The following CHSY3 variants were observed in gnomAD, a reference collection of about 807,000 sequenced individuals.
CHSY3 encodes the protein chondroitin sulfate synthase 3, also known as N-acetylgalactosaminyl-proteoglycan 3-beta-glucuronosyltransferase 3.
In CHSY3, 35 loss-of-function variants were observed where a neutral mutation model predicts 67.2. That is an observed-to-expected ratio of 0.52 (90% confidence interval 0.40 to 0.69). The LOEUF (loss-of-function observed/expected upper bound fraction) is 0.69, where lower values mean the gene tolerates loss of function less well. CHSY3 is among the 30% of genes least tolerant of loss of function. CHSY3 has a pLI of 0.00. For synonymous variants in CHSY3, 474 were observed against 434.7 expected, an observed-to-expected ratio of 1.09 and a Z score of -1.12; for missense variants, 1,069 against 1,138.5, an observed-to-expected ratio of 0.94 and a Z score of 0.88.
At chr5:129,948,107 T>C (rs1035947931) in intron 2 of CHSY3, among the ~76,000 whole-genome samples, 3 of 152,262 alleles carry the variant, frequency 2.0e-5, no homozygotes, top group South Asian at 2.1e-4. Flanking sequence ...CTAAACAAAA[T>C]TGACAAAACT....
chr5:130,138,816 A>T (rs753454671), intron 2 of CHSY3, among the ~76,000 whole-genome samples: 2 of 152,176 alleles, frequency 1.3e-5, no homozygotes, highest in Non-Finnish European at 2.9e-5. Flanking sequence ...TTGGACCCAA[A>T]TCCCTTTTGT....
intron 2 of CHSY3, among the ~76,000 whole-genome samples, chr5:130,036,607 C>T (rs115954760): frequency 2.8e-4 from 43 of 152,252 alleles, no homozygotes; most frequent in African/African-American, 1.0e-3. Context: ...GACCTTGGAG[C>T]CCTACAGATC....
Position 130,095,525 on chromosome 5 carries a change from T to C in CHSY3, c.1087-88704T>C, listed in dbSNP as rs183425691. Among the ~76,000 whole-genome samples, 176 of 152,308 alleles carry C rather than the reference T, an allele frequency of 1.2e-3. 1 individual carries two copies. Among genetic ancestry groups the C allele is most frequent in the Middle Eastern group, 6.8e-3 (2 of 294 alleles). On this transcript the variant is annotated intron_variant, in intron 2 of 2. Transcript: ENST00000305031. ...AATGGAATAAATATCCATGGCCCCA[T>C]GCCAATATAAAAAATTGAATCAATG...
chr5:129,940,134 T>C, intron 2 of CHSY3, among the ~76,000 whole-genome samples: 1 of 152,160 alleles, frequency 6.6e-6, no homozygotes. Context: ...AGGACACATA[T>C]TCTCATTGCC....
chr5:130,072,222 G>A (rs1359190563), intron 2 of CHSY3, among the ~76,000 whole-genome samples: 1 of 152,106 alleles, frequency 6.6e-6, no homozygotes, highest in East Asian at 1.9e-4. Context: ...AGAAATCATT[G>A]CCAAGAGCAA....
At chr5:129,930,409 G>C (rs1045601139) in intron 2 of CHSY3, among the ~76,000 whole-genome samples, 28 of 144,392 alleles carry the variant, frequency 1.9e-4, no homozygotes, top group African/African-American at 6.9e-4. Context: ...ATGGAAACAA[G>C]ATAGCCAAGT....
chr5:130,097,463 G>A (rs1671481238), intron 2 of CHSY3, among the ~76,000 whole-genome samples: 1 of 152,156 alleles, frequency 6.6e-6, no homozygotes, highest in Admixed American at 6.5e-5. Flanking sequence ...GAGAGGCTGG[G>A]ACTCTCCTGC....
chr5:130,149,239 G>A (rs1230404455), intron 2 of CHSY3, among the ~76,000 whole-genome samples: 1 of 152,110 alleles, frequency 6.6e-6, no homozygotes, highest in Non-Finnish European at 1.5e-5. Context: ...GTATTAGGCT[G>A]TTCTTGCATT....
At chr5:130,119,113 AG>A (rs750225498) in intron 2 of CHSY3, among the ~76,000 whole-genome samples, 3 of 152,150 alleles carry the variant, frequency 2.0e-5, no homozygotes, top group Non-Finnish European at 4.4e-5. Flanking sequence ...CCCCTAGATG[AG>A]GGTATCAAAC....
intron 2 of CHSY3, among the ~76,000 whole-genome samples, chr5:130,020,261 T>C (rs915372661): frequency 9.9e-5 from 15 of 150,908 alleles, no homozygotes; most frequent in African/African-American, 1.5e-4. Context: ...CTACTAAAAA[T>C]ACAAAAAAAA....
At chr5:130,133,370 G>A (rs1768544225) in intron 2 of CHSY3, among the ~76,000 whole-genome samples, 1 of 152,114 alleles carries the variant, frequency 6.6e-6, no homozygotes, top group African/African-American at 2.4e-5. Context: ...CATGTGGGAT[G>A]CATAATTTAT....
chr5:130,007,876 G>T (rs1345053311), intron 2 of CHSY3, among the ~76,000 whole-genome samples: 1 of 152,114 alleles, frequency 6.6e-6, no homozygotes, highest in Admixed American at 6.5e-5. Context: ...CAGTGTCCCT[G>T]TCTGGCCACA....
chr5:130,108,467 T>C (rs17593241), intron 2 of CHSY3, among the ~76,000 whole-genome samples: 8,297 of 151,700 alleles, frequency 0.055, 329 homozygotes, highest in Non-Finnish European at 0.078. Context: ...CAATTTGCCA[T>C]TTACCTAAGA....
At chr5:130,153,908 TTTTG>T (rs566849744) in intron 2 of CHSY3, among the ~76,000 whole-genome samples, 1,737 of 150,232 alleles carry the variant, frequency 0.012, 14 homozygotes, top group African/African-American at 0.024. Flanking sequence ...TTCTGGCTGT[TTTTG>T]TTTGTTTGTT....
intron 2 of CHSY3, among the ~76,000 whole-genome samples, chr5:129,947,795 A>G (rs1169090381): frequency 1.3e-5 from 2 of 152,122 alleles, no homozygotes; most frequent in Non-Finnish European, 2.9e-5. Context: ...TGACTTTTTG[A>G]TAATAGCCAT....
chr5:130,050,421 C>T (rs1390884013), intron 2 of CHSY3, among the ~76,000 whole-genome samples: 1 of 152,066 alleles, frequency 6.6e-6, no homozygotes, highest in African/African-American at 2.4e-5. Context: ...GCTATGTCTA[C>T]ACAAAGAATA....
Position 130,058,341 on chromosome 5 carries a change from T to A in CHSY3, c.1087-125888T>A, listed in dbSNP as rs897608855. 2.6e-5 allele frequency among the ~76,000 whole-genome samples: 4 copies of A among 151,974 alleles called. 1 individual carries two copies. The highest frequency in any genetic ancestry group is 9.7e-5 in the African/African-American group (4 of 41,394). On this transcript the variant is annotated intron_variant, in intron 2 of 2. Coordinates refer to ENST00000305031, the MANE Select transcript of CHSY3 (RefSeq NM_175856.5). ...TATCATAAAATAATATAATAGAGAA[T>A]AAATGGCCAGGCGTGGTGGCTCACA...
At chr5:129,937,501 A>C (rs892562107) in intron 2 of CHSY3, among the ~76,000 whole-genome samples, 1 of 152,082 alleles carries the variant, frequency 6.6e-6, no homozygotes, top group African/African-American at 2.4e-5. Flanking sequence ...CCCAAGTCTC[A>C]TGTCCTTCTC....
At chr5:130,137,957 G>C (rs1485633648) in intron 2 of CHSY3, among the ~76,000 whole-genome samples, 1 of 151,900 alleles carries the variant, frequency 6.6e-6, no homozygotes, top group Non-Finnish European at 1.5e-5. Context: ...GTTTTTTAAT[G>C]TGAAATTTTT....
Sources: gnomAD v4.1 joint callset for allele counts (sites outside exome capture counted in the v4.1 genomes callset) on GRCh38, gnomAD v4.1.1 for gene constraint, MANE v1.5 for transcripts, NCBI Gene and HGNC (gene_info 2026-07-23, HGNC 2026-07-21) for gene names.